Variants in NDST4 observed in about 807,000 individuals in gnomAD.
NDST4 encodes the protein N-deacetylase and N-sulfotransferase 4.
Under a neutral mutation model 100.8 loss-of-function variants are expected in NDST4, and 63 were observed. The ratio of observed to expected loss-of-function variants is 0.62; its 90% CI spans 0.51 to 0.77. NDST4 has a LOEUF of 0.77. Ranked by LOEUF, NDST4 falls within the 30% of genes least tolerant of loss-of-function variation. The probability of loss-of-function intolerance (pLI) is 0.00; values close to 1 mark genes in which losing one functional copy is unlikely to be tolerated. For synonymous variants in NDST4, 377 were observed against 361.8 expected (o/e 1.04, Z -0.48); for missense variants, 943 against 1,018.4 (o/e 0.93, Z 1.01).
chr4:114,898,885 C>T (rs528673900), intron 6 of NDST4, among the ~76,000 whole-genome samples: 1 of 151,956 alleles, frequency 6.6e-6, no homozygotes, highest in Non-Finnish European at 1.5e-5. Context: ...ACCTTGTGAC[C>T]TATATTCACT....
At chr4:115,082,357 A>G (rs759611208) in intron 1 of NDST4, among the ~76,000 whole-genome samples, 19 of 152,312 alleles carry the variant, frequency 1.2e-4, no homozygotes, top group Admixed American at 2.6e-4. Flanking sequence ...CCACATAATC[A>G]TGGTAAATTT....
intron 2 of NDST4, among the ~76,000 whole-genome samples, chr4:115,013,118 G>C (rs1472739631): frequency 1.3e-5 from 2 of 151,308 alleles, no homozygotes; most frequent in Non-Finnish European, 3.0e-5. Flanking sequence ...GATATAGTTA[G>C]AGAGAATGAA....
At chr4:115,038,634 G>A (rs1728284439) in intron 2 of NDST4, among the ~76,000 whole-genome samples, 1 of 152,156 alleles carries the variant, frequency 6.6e-6, no homozygotes. Context: ...ATGTAATTAA[G>A]AACAGATATT....
chr4:114,898,027 C>T (rs969286245), intron 6 of NDST4, among the ~76,000 whole-genome samples: 2 of 152,064 alleles, frequency 1.3e-5, no homozygotes, highest in Non-Finnish European at 2.9e-5. Context: ...TCTTTTGATG[C>T]TGTATTTCGC....
rs1177551076 is a variant in NDST4, at chr4:115,040,038, G to T, written c.978+36021C>A. Among the ~76,000 whole-genome samples the T allele has an allele frequency of 1.3e-5, 2 of 151,190 alleles. 1 individual carries two copies. The highest frequency in any genetic ancestry group is 4.2e-4 in the South Asian group (2 of 4,766). On this transcript the variant is annotated intron_variant, in intron 2 of 13. Coordinates refer to ENST00000264363, the MANE Select transcript of NDST4 (RefSeq NM_022569.3). ...ATATACACACACATACTTGTTTTTT[G>T]ATGAATAAATAAATTTTGATTTATA...
intron 2 of NDST4, among the ~76,000 whole-genome samples, chr4:115,058,647 T>A (rs1728752272): frequency 6.6e-6 from 1 of 152,122 alleles, no homozygotes; most frequent in Admixed American, 6.6e-5. Flanking sequence ...TGTGCTTTTC[T>A]ATAGAACACA....
intron 7 of NDST4, among the ~76,000 whole-genome samples, chr4:114,856,572 T>C (rs1325302190): frequency 1.3e-5 from 2 of 152,182 alleles, no homozygotes; most frequent in South Asian, 2.1e-4. Flanking sequence ...CTCAATATCA[T>C]TTTATTCTAT....
chr4:114,855,383 T>C (rs887489608), intron 7 of NDST4, among the ~76,000 whole-genome samples: 1 of 152,198 alleles, frequency 6.6e-6, no homozygotes, highest in Admixed American at 6.5e-5. Flanking sequence ...TCCAATGTTT[T>C]ATTTTAGTAG....
chr4:114,871,265 AC>A (rs1724143657), intron 6 of NDST4, among the ~76,000 whole-genome samples: 1 of 152,166 alleles, frequency 6.6e-6, no homozygotes, highest in Admixed American at 6.6e-5. Flanking sequence ...CTAGTGAAGA[AC>A]CAATATTAGA....
intron 4 of NDST4, among the ~76,000 whole-genome samples, chr4:114,939,070 G>A (rs1193198328): frequency 1.3e-5 from 2 of 152,148 alleles, no homozygotes; most frequent in Non-Finnish European, 2.9e-5. Flanking sequence ...GGCAACAGTT[G>A]TTACCCTGAT....
chr4:114,909,388 C>T (rs1471836078), intron 6 of NDST4, among the ~76,000 whole-genome samples: 5 of 151,960 alleles, frequency 3.3e-5, no homozygotes, highest in African/African-American at 4.8e-5. Flanking sequence ...TGGCCGGGCG[C>T]GGTGGCTCAC....
intron 1 of NDST4, among the ~76,000 whole-genome samples, chr4:115,093,246 T>G (rs904320797): frequency 1.3e-5 from 2 of 152,046 alleles, no homozygotes; most frequent in Non-Finnish European, 2.9e-5. Context: ...GAGGCCAAGG[T>G]GGGCAGATCA....
At chr4:114,945,436 A>T (rs956117547) in intron 4 of NDST4, among the ~76,000 whole-genome samples, 1 of 152,136 alleles carries the variant, frequency 6.6e-6, no homozygotes, top group African/African-American at 2.4e-5. Flanking sequence ...CCAGCCCACA[A>T]TATATTTGAG....
intron 6 of NDST4, among the ~76,000 whole-genome samples, chr4:114,896,601 T>C (rs1007622115): frequency 6.8e-6 from 1 of 146,500 alleles, no homozygotes; most frequent in Non-Finnish European, 1.5e-5. Context: ...TCCAGTCTAG[T>C]GACAGAGTGA....
chr4:114,999,954 GTTA>G (rs1727250199), intron 2 of NDST4, among the ~76,000 whole-genome samples: 1 of 151,814 alleles, frequency 6.6e-6, no homozygotes, highest in Admixed American at 6.6e-5. Context: ...ATGTGTCAAT[GTTA>G]TTATCTTTCA....
chr4:115,079,941 A>G (rs1021547041), intron 1 of NDST4, among the ~76,000 whole-genome samples: 1 of 152,176 alleles, frequency 6.6e-6, no homozygotes, highest in African/African-American at 2.4e-5. Flanking sequence ...TTTTCAAAAA[A>G]TTAAAAATTT....
intron 2 of NDST4, among the ~76,000 whole-genome samples, chr4:115,022,207 G>A (rs768176785): frequency 2.4e-4 from 35 of 146,934 alleles, no homozygotes; most frequent in Admixed American, 1.5e-3. Flanking sequence ...CACGTTCCAC[G>A]TCTATGCACG....
chr4:115,022,773 G>A (rs1031421099), intron 2 of NDST4, among the ~76,000 whole-genome samples: 29 of 152,176 alleles, frequency 1.9e-4, no homozygotes, highest in Admixed American at 3.3e-4. Flanking sequence ...TCTCATGATC[G>A]TGAATGAGTG....
rs1209928713 is a variant in NDST4, at chr4:114,895,644, C to T, written c.1537-24694G>A. Among the ~76,000 whole-genome samples, 236 of 152,194 alleles carry T rather than the reference C, an allele frequency of 1.6e-3. 1 individual carries two copies. The highest frequency in any genetic ancestry group is 5.1e-3 in the African/African-American group (210 of 41,540). ...CTCCTTAACTCATTTTAGAAGCCAG[C>T]ATCATCCTGATACCAAAATCGAGAA... On this transcript the variant is annotated intron_variant, in intron 6 of 13. Coordinates refer to ENST00000264363, the MANE Select transcript of NDST4 (RefSeq NM_022569.3).
Sources: allele counts gnomAD v4.1 joint callset (sites outside exome capture counted in the v4.1 genomes callset), GRCh38; gene constraint gnomAD v4.1.1; transcripts MANE v1.5; gene names NCBI Gene and HGNC (gene_info 2026-07-23, HGNC 2026-07-21).